CDH12: variants seen among roughly 807,000 people sequenced by gnomAD.
CDH12 encodes cadherin 12, also known as cadherin-12.
A neutral mutation model predicts 74.1 loss-of-function variants in CDH12; 41 were observed. The observed-to-expected ratio is 0.55, with a 90% CI of 0.43 to 0.72. The LOEUF (loss-of-function observed/expected upper bound fraction) is 0.72. CDH12 is among the 30% of genes least tolerant of loss of function. The probability of loss-of-function intolerance (pLI) is 0.00; values close to 1 mark genes in which losing one functional copy is unlikely to be tolerated. For missense variants in CDH12, 945 were observed against 977.2 expected, an observed-to-expected ratio of 0.97 and a Z score of 0.44; for synonymous variants, 399 against 355.0, an observed-to-expected ratio of 1.12 and a Z score of -1.39.
intron 1 of CDH12, among the ~76,000 whole-genome samples, chr5:22,672,904 A>G (rs879354248): frequency 5.9e-5 from 9 of 152,154 alleles, no homozygotes; most frequent in Non-Finnish European, 1.0e-4. Flanking sequence ...TTAAGTGTTC[A>G]AATACCTTGC....
chr5:22,250,200 T>TAA (rs1439170752), intron 3 of CDH12, among the ~76,000 whole-genome samples: 2 of 151,624 alleles, frequency 1.3e-5, no homozygotes, highest in African/African-American at 2.4e-5. Flanking sequence ...AATATATATA[T>TAA]ATATAGTCTA....
At chr5:22,498,998 C>T (rs543177102) in intron 2 of CDH12, among the ~76,000 whole-genome samples, 3 of 149,232 alleles carry the variant, frequency 2.0e-5, no homozygotes, top group African/African-American at 7.4e-5. Flanking sequence ...CTGTCTCCCC[C>T]GTTCAAGTGA....
At chr5:22,473,286 A>C (rs13162777) in intron 2 of CDH12, among the ~76,000 whole-genome samples, 84,060 of 151,878 alleles carry the variant, frequency 0.55, 23,489 homozygotes, top group Admixed American at 0.69. Flanking sequence ...ATATACTTAC[A>C]CTGACTTATA....
At chr5:22,472,513 G>T (rs1298143149) in intron 2 of CDH12, among the ~76,000 whole-genome samples, 1 of 152,036 alleles carries the variant, frequency 6.6e-6, no homozygotes, top group Non-Finnish European at 1.5e-5. Flanking sequence ...CCAAATGGTT[G>T]CTAGACGTGT....
intron 3 of CDH12, among the ~76,000 whole-genome samples, chr5:22,360,798 T>A: frequency 6.6e-6 from 1 of 152,072 alleles, no homozygotes; most frequent in South Asian, 2.1e-4. Context: ...ATAAACGTAA[T>A]CCAGCAAATA....
intron 1 of CDH12, among the ~76,000 whole-genome samples, chr5:22,713,691 C>G (rs1006834972): frequency 2.0e-5 from 3 of 151,986 alleles, no homozygotes; most frequent in African/African-American, 7.2e-5. Context: ...GATACATACA[C>G]TGGTTGTAGA....
intron 1 of CDH12, among the ~76,000 whole-genome samples, chr5:22,607,727 G>C (rs1461286814): frequency 1.3e-5 from 2 of 152,176 alleles, no homozygotes; most frequent in African/African-American, 4.8e-5. Context: ...ACCTTCTGCT[G>C]TGTGCAGCCT....
At chr5:22,073,866 C>G (rs1742120963) in intron 5 of CDH12, among the ~76,000 whole-genome samples, 1 of 151,884 alleles carries the variant, frequency 6.6e-6, no homozygotes, top group African/African-American at 2.4e-5. Context: ...TGTAAGAAAA[C>G]CAATTGGTCC....
chr5:22,805,225 T>C (rs933816317), intron 1 of CDH12, among the ~76,000 whole-genome samples: 49 of 152,100 alleles, frequency 3.2e-4, no homozygotes, highest in African/African-American at 1.1e-3. Flanking sequence ...AAAATAGATA[T>C]ACTTATATAA....
At chr5:22,177,942 T>C (rs1749431933) in intron 4 of CDH12, among the ~76,000 whole-genome samples, 1 of 152,206 alleles carries the variant, frequency 6.6e-6, no homozygotes, top group Non-Finnish European at 1.5e-5. Context: ...AACATTTTAC[T>C]ATGTTCAAAT....
chr5:22,455,414 C>G (rs1007068213), intron 2 of CDH12, among the ~76,000 whole-genome samples: 4 of 151,906 alleles, frequency 2.6e-5, no homozygotes, highest in South Asian at 2.1e-4. Context: ...TCAGCATTAC[C>G]CGGGAAGGAA....
chr5:21,858,023 C>CT (rs11292471), intron 6 of CDH12, among the ~76,000 whole-genome samples: 16,744 of 147,510 alleles, frequency 0.11, 1,108 homozygotes, highest in African/African-American at 0.2. Flanking sequence ...TTGTATCTCC[C>CT]TTTTTTTTTT....
At chr5:22,339,959 GCATATGTGTATGTATGTATATAAGTA>G (rs1739770636) in intron 3 of CDH12, among the ~76,000 whole-genome samples, 2 of 152,132 alleles carry the variant, frequency 1.3e-5, no homozygotes, top group South Asian at 4.1e-4. Context: ...ATATATGTAT[GCATATGTGTATGTATGTATATAAGTA>G]CATTTCTATT....
At chr5:22,409,424 T>A (rs901137554) in intron 2 of CDH12, among the ~76,000 whole-genome samples, 2 of 152,062 alleles carry the variant, frequency 1.3e-5, no homozygotes, top group Non-Finnish European at 2.9e-5. Flanking sequence ...TTATTCTTAT[T>A]TCTTATTTCT....
chr5:22,521,938 T>G (rs145253559), intron 1 of CDH12, among the ~76,000 whole-genome samples: 2 of 152,156 alleles, frequency 1.3e-5, no homozygotes, highest in African/African-American at 4.8e-5. Flanking sequence ...TCAACCAAAT[T>G]AGCAAAAAGT....
At chr5:21,762,586 T>C (rs1744786203) in intron 12 of CDH12, among the ~76,000 whole-genome samples, 1 of 152,098 alleles carries the variant, frequency 6.6e-6, no homozygotes, top group African/African-American at 2.4e-5. Flanking sequence ...TTATGCTTTG[T>C]AGAAAAGTGT....
At chr5:22,605,846 GC>G (rs564298441) in intron 1 of CDH12, among the ~76,000 whole-genome samples, 66 of 152,320 alleles carry the variant, frequency 4.3e-4, no homozygotes, top group African/African-American at 1.5e-3. Flanking sequence ...AAAGGAGCCA[GC>G]CCATGAGGTC....
intron 6 of CDH12, among the ~76,000 whole-genome samples, chr5:21,971,526 A>G (rs115144162): frequency 0.083 from 12,607 of 152,080 alleles, 1,298 homozygotes; most frequent in African/African-American, 0.25. Context: ...CATAGGTTAG[A>G]TATCTAATTA....
intron 5 of CDH12, among the ~76,000 whole-genome samples, chr5:22,036,928 T>C (rs181752634): frequency 6.6e-6 from 1 of 152,316 alleles, no homozygotes; most frequent in Admixed American, 6.5e-5. Context: ...AAAATGAATA[T>C]TGATCTTAAG....
Sources: allele counts gnomAD v4.1 joint callset (sites outside exome capture counted in the v4.1 genomes callset), GRCh38; gene constraint gnomAD v4.1.1; transcripts MANE v1.5; gene names NCBI Gene and HGNC (gene_info 2026-07-23, HGNC 2026-07-21).